NRP1: variants seen among roughly 807,000 people sequenced by gnomAD.
NRP1 encodes neuropilin-1.
A neutral mutation model predicts 106.7 loss-of-function variants in NRP1; 35 were observed. That is an observed-to-expected ratio of 0.33 (90% CI 0.25 to 0.43). NRP1 has a LOEUF of 0.43. Among genes scored for constraint, NRP1 ranks in the 20% least tolerant of loss-of-function variants. NRP1 has a pLI of 1.00. For synonymous variants in NRP1, 437 were observed against 417.9 expected (o/e 1.05, Z -0.56); for missense variants, 1,024 against 1,170.4 (o/e 0.87, Z 1.83).
At chr10:33,256,254 G>A in intron 5 of NRP1, 62 bp downstream of exon 5, 2 of 1,525,202 alleles carry the variant, frequency 1.3e-6, no homozygotes, top group South Asian at 2.3e-5. Flanking sequence ...GGCCGCAGGT[G>A]TGTGAGCAGG....
intron 2 of NRP1, among the ~76,000 whole-genome samples, chr10:33,316,811 C>T (rs1343561352): frequency 6.6e-6 from 1 of 152,150 alleles, no homozygotes; most frequent in Non-Finnish European, 1.5e-5. Context: ...ATTAGAAGAG[C>T]CACTGGGGTA....
chr10:33,184,323 G>A (rs929830605), intron 15 of NRP1, among the ~76,000 whole-genome samples: 14 of 152,208 alleles, frequency 9.2e-5, no homozygotes, highest in African/African-American at 3.4e-4. Context: ...GCTCAGCCAT[G>A]TACTTTCACT....
At chr10:33,311,989 A>G (rs1250054223) in intron 2 of NRP1, among the ~76,000 whole-genome samples, 3 of 152,204 alleles carry the variant, frequency 2.0e-5, no homozygotes, top group Non-Finnish European at 4.4e-5. Context: ...ACATTTTCCA[A>G]TGAATGCTGG....
At chr10:33,299,764 T>A (rs781149402) in intron 2 of NRP1, among the ~76,000 whole-genome samples, 2 of 152,148 alleles carry the variant, frequency 1.3e-5, no homozygotes, top group Non-Finnish European at 2.9e-5. Flanking sequence ...CCAGACTGCA[T>A]GACAGAGAGA....
intron 4 of NRP1, among the ~76,000 whole-genome samples, chr10:33,262,981 C>T (rs1588874822): frequency 6.6e-6 from 1 of 152,140 alleles, no homozygotes; most frequent in African/African-American, 2.4e-5. Context: ...TAGGATGGTG[C>T]CTGGTACATG....
At chr10:33,268,011 T>C (rs893319215) in intron 3 of NRP1, among the ~76,000 whole-genome samples, 2 of 152,158 alleles carry the variant, frequency 1.3e-5, no homozygotes, top group Non-Finnish European at 2.9e-5. Context: ...TAGTGTAATT[T>C]ATGTGTTTTC....
intron 4 of NRP1, among the ~76,000 whole-genome samples, chr10:33,259,976 TC>T (rs1279485027): frequency 6.6e-6 from 1 of 152,158 alleles, no homozygotes; most frequent in Non-Finnish European, 1.5e-5. Context: ...CACTTCAGTC[TC>T]CTGAAGGGCT....
At chr10:33,270,306 GA>G (rs2133293611) in intron 3 of NRP1, among the ~76,000 whole-genome samples, 1 of 151,204 alleles carries the variant, frequency 6.6e-6, no homozygotes, top group South Asian at 2.1e-4. Flanking sequence ...TGTCTTTCGT[GA>G]AATCAAACAA....
chr10:33,331,161 A>G (rs1196441178), intron 1 of NRP1, among the ~76,000 whole-genome samples: 1 of 152,190 alleles, frequency 6.6e-6, no homozygotes, highest in East Asian at 1.9e-4. Context: ...TTCTAGCATT[A>G]AAAACATTAA....
chr10:33,264,906 C>T (rs11819374), intron 3 of NRP1, among the ~76,000 whole-genome samples: 18,271 of 151,998 alleles, frequency 0.12, 1,127 homozygotes, highest in South Asian at 0.14. Context: ...GTCAGGAGTT[C>T]GAGACCAGCC....
chr10:33,227,138 G>T (rs146583878), intron 6 of NRP1, among the ~76,000 whole-genome samples: 70 of 152,322 alleles, frequency 4.6e-4, no homozygotes, highest in African/African-American at 1.7e-3. Flanking sequence ...AACCAGGATT[G>T]CTTGATCCCT....
At chr10:33,278,099 T>C (rs1040006978) in intron 2 of NRP1, among the ~76,000 whole-genome samples, 1 of 152,226 alleles carries the variant, frequency 6.6e-6, no homozygotes, top group African/African-American at 2.4e-5. Context: ...CATATTTGCA[T>C]CAAGTAATAC....
intron 2 of NRP1, among the ~76,000 whole-genome samples, chr10:33,307,602 A>C (rs1846262140): frequency 6.6e-6 from 1 of 152,186 alleles, no homozygotes; most frequent in South Asian, 2.1e-4. Context: ...CAAGAGTCTT[A>C]ATACTGGTTT....
chr10:33,226,999 T>C (rs983397317), intron 6 of NRP1, among the ~76,000 whole-genome samples: 14 of 152,184 alleles, frequency 9.2e-5, no homozygotes, highest in African/African-American at 3.1e-4. Flanking sequence ...TGCTCACTCA[T>C]ATTTGTCTCA....
Position 33,226,124 on chromosome 10 carries a change from C to T in NRP1, c.1137+10G>A. 6.2e-7 allele frequency: 1 copy of T among 1,613,490 alleles called. No individual in the cohort carries two copies. Among genetic ancestry groups the T allele is most frequent in the Non-Finnish European group, 8.5e-7 (1 of 1,179,562 alleles). Reference sequence around the variant, plus strand: ...ACCAAATTGGTTGCCACGGTGGCAGCCTAACTTACAACAGGTTTGTTTCCT... The same window carrying T: ...ACCAAATTGGTTGCCACGGTGGCAGTCTAACTTACAACAGGTTTGTTTCCT... On this transcript the variant is annotated intron_variant, in intron 7 of 16. Transcript: ENST00000374867.
At chr10:33,212,373 C>A (rs888969649) in intron 9 of NRP1, 2 of 152,168 alleles carry the variant, frequency 1.3e-5, no homozygotes, top group African/African-American at 4.8e-5. Flanking sequence ...TGACACAATG[C>A]TATAACACTG....
chr10:33,208,220 C>T (rs571894736), intron 9 of NRP1, among the ~76,000 whole-genome samples: 10 of 152,280 alleles, frequency 6.6e-5, no homozygotes, highest in East Asian at 5.8e-4. Flanking sequence ...GCCACCACGC[C>T]GAGCTAATTT....
intron 10 of NRP1, chr10:33,205,845 T>A (rs1837730563): frequency 1.1e-5 from 2 of 183,756 alleles, no homozygotes; most frequent in Non-Finnish European, 2.3e-5. Context: ...TTTTTCCCCC[T>A]AAACCATAAT....
intron 2 of NRP1, among the ~76,000 whole-genome samples, chr10:33,329,363 T>C (rs116266832): frequency 2.4e-3 from 365 of 152,288 alleles, no homozygotes; most frequent in African/African-American, 8.3e-3. Flanking sequence ...ATTCTCTAGA[T>C]ACTAAAATGT....
Sources: allele counts gnomAD v4.1 joint callset (sites outside exome capture counted in the v4.1 genomes callset), GRCh38; gene constraint gnomAD v4.1.1; transcripts MANE v1.5; gene names NCBI Gene and HGNC (gene_info 2026-07-23, HGNC 2026-07-21).